NCOA1: variants seen among roughly 807,000 people sequenced by gnomAD.
NCOA1 encodes the protein nuclear receptor coactivator 1, also known as Hin-2 protein.
NCOA1 carries 35 observed loss-of-function variants against 150.9 expected under a neutral mutation model. That is an observed-to-expected ratio of 0.23 (90% confidence interval 0.18 to 0.31). The LOEUF (loss-of-function observed/expected upper bound fraction) is 0.31. Among genes scored for constraint, NCOA1 ranks in the 10% least tolerant of loss-of-function variants. NCOA1 has a pLI of 1.00. For missense variants in NCOA1, 1,491 were observed against 1,749.3 expected (o/e 0.85, Z 2.63); for synonymous variants, 590 against 630.0 (o/e 0.94, Z 0.95).
intron 1 of NCOA1, among the ~76,000 whole-genome samples, chr2:24,547,070 A>G (rs1665632550): frequency 6.6e-6 from 1 of 152,218 alleles, no homozygotes; most frequent in Admixed American, 6.5e-5. Context: ...TGACATGTGC[A>G]CATTGGAAAG....
chr2:24,621,639 C>A (rs546107429), intron 3 of NCOA1, among the ~76,000 whole-genome samples: 1 of 151,482 alleles, frequency 6.6e-6, no homozygotes, highest in Non-Finnish European at 1.5e-5. Context: ...CCACCATGCC[C>A]GGCTAATTTT....
At chr2:24,745,163 T>TC (rs1663835446) in intron 19 of NCOA1, among the ~76,000 whole-genome samples, 2 of 149,658 alleles carry the variant, frequency 1.3e-5, no homozygotes, top group Non-Finnish European at 3.0e-5. Flanking sequence ...TTTTCTTTTT[T>TC]TTTTTTTTTT....
intron 8 of NCOA1, among the ~76,000 whole-genome samples, chr2:24,690,267 A>G (rs1380069946): frequency 2.0e-5 from 3 of 152,182 alleles, no homozygotes; most frequent in Non-Finnish European, 4.4e-5. Flanking sequence ...GTTTGTTTCC[A>G]TGATTTCCTC....
chr2:24,699,531 C>T (rs1486472374), intron 11 of NCOA1, among the ~76,000 whole-genome samples: 1 of 152,086 alleles, frequency 6.6e-6, no homozygotes, highest in African/African-American at 2.4e-5. Flanking sequence ...CCCCATTAGT[C>T]ATTTTTAATG....
intron 7 of NCOA1, among the ~76,000 whole-genome samples, chr2:24,682,703 C>T (rs1167714552): frequency 1.3e-5 from 2 of 152,118 alleles, no homozygotes; most frequent in Non-Finnish European, 2.9e-5. Context: ...CTTTGACCCC[C>T]ACCCTGATCC....
intron 1 of NCOA1, among the ~76,000 whole-genome samples, chr2:24,525,548 GTTCTT>G (rs1433187572): frequency 6.7e-6 from 1 of 149,706 alleles, no homozygotes; most frequent in Non-Finnish European, 1.5e-5. Context: ...ATGTTAGAAA[GTTCTT>G]TTTTTTTTTT....
intron 1 of NCOA1, among the ~76,000 whole-genome samples, chr2:24,507,764 G>T (rs534242411): frequency 1.2e-4 from 19 of 152,116 alleles, no homozygotes; most frequent in African/African-American, 4.6e-4. Flanking sequence ...CTTAGGAAGG[G>T]AACTCAAAGT....
chr2:24,649,758 T>C (rs1436515347), intron 4 of NCOA1, among the ~76,000 whole-genome samples: 1 of 140,914 alleles, frequency 7.1e-6, no homozygotes, highest in East Asian at 2.1e-4. Context: ...AAATAAACTT[T>C]TCTTTTTTCA....
At chr2:24,648,422 G>A (rs538460923) in intron 4 of NCOA1, among the ~76,000 whole-genome samples, 195 of 152,082 alleles carry the variant, frequency 1.3e-3, no homozygotes, top group African/African-American at 4.3e-3. Flanking sequence ...ACAGGCATCC[G>A]CCACCACACC....
intron 2 of NCOA1, among the ~76,000 whole-genome samples, chr2:24,571,558 A>T (rs897783510): frequency 6.6e-6 from 1 of 152,184 alleles, no homozygotes; most frequent in African/African-American, 2.4e-5. Context: ...GTATCCAGGC[A>T]TTCTAGCCCT....
intron 3 of NCOA1, among the ~76,000 whole-genome samples, chr2:24,642,441 C>A (rs1670276154): frequency 6.6e-6 from 1 of 151,790 alleles, no homozygotes; most frequent in African/African-American, 2.4e-5. Context: ...ACTACCTTTT[C>A]TCCTGATCTG....
chr2:24,515,296 G>T (rs1224992896), intron 1 of NCOA1, among the ~76,000 whole-genome samples: 1 of 151,982 alleles, frequency 6.6e-6, no homozygotes, highest in African/African-American at 2.4e-5. Context: ...GCAGTGGCGC[G>T]ATCATGGCTC....
At chr2:24,534,593 A>G (rs1462609880) in intron 1 of NCOA1, among the ~76,000 whole-genome samples, 1 of 152,206 alleles carries the variant, frequency 6.6e-6, no homozygotes, top group Non-Finnish European at 1.5e-5. Flanking sequence ...ATTTAGTGCT[A>G]TAAATTTCCC....
At chr2:24,660,679 CTAGAGA>C (rs1328944957) in intron 5 of NCOA1, among the ~76,000 whole-genome samples, 1 of 152,086 alleles carries the variant, frequency 6.6e-6, no homozygotes, top group Admixed American at 6.6e-5. Flanking sequence ...AATACATTCC[CTAGAGA>C]TAAACAGCCT....
At chr2:24,657,730 C>T (rs893535712) in intron 4 of NCOA1, among the ~76,000 whole-genome samples, 1 of 152,148 alleles carries the variant, frequency 6.6e-6, no homozygotes, top group African/African-American at 2.4e-5. Flanking sequence ...TGGCTGCTAA[C>T]ATACAGTGCT....
chr2:24,650,934 G>A (rs1670684168), intron 4 of NCOA1, among the ~76,000 whole-genome samples: 1 of 152,074 alleles, frequency 6.6e-6, no homozygotes, highest in African/African-American at 2.4e-5. Context: ...GCTCCAATGA[G>A]CATTTCCTTT....
At chr2:24,764,271 TC>T (rs1018993077) in intron 22 of NCOA1, among the ~76,000 whole-genome samples, 18 of 152,174 alleles carry the variant, frequency 1.2e-4, no homozygotes, top group African/African-American at 4.1e-4. Flanking sequence ...TCCACACTGT[TC>T]CTGCCATACC....
chr2:24,543,545 C>T (rs1265573837), intron 1 of NCOA1, among the ~76,000 whole-genome samples: 1 of 151,972 alleles, frequency 6.6e-6, no homozygotes, highest in East Asian at 1.9e-4. Flanking sequence ...ACAAAATAAA[C>T]AGATACTACA....
At chr2:24,665,650 A>G in intron 5 of NCOA1, 99 bp from the exon 6 acceptor site, 1 of 980,850 alleles carries the variant, frequency 1.0e-6, no homozygotes, top group Non-Finnish European at 1.4e-6. Flanking sequence ...TTTTCGATAA[A>G]AATAAAGATC....
Sources: gnomAD v4.1 joint callset for allele counts (sites outside exome capture counted in the v4.1 genomes callset) on GRCh38, gnomAD v4.1.1 for gene constraint, MANE v1.5 for transcripts, NCBI Gene and HGNC (gene_info 2026-07-23, HGNC 2026-07-21) for gene names.